The following PBX3 variants were observed in gnomAD, a reference collection of about 807,000 sequenced individuals.
PBX3 encodes the protein PBX homeobox 3, also known as pre-B-cell leukemia transcription factor 3.
PBX3 carries 14 observed loss-of-function variants against 48.5 expected under a neutral mutation model. That is an observed-to-expected ratio of 0.29 (90% CI 0.19 to 0.45). The LOEUF (loss-of-function observed/expected upper bound fraction) is 0.45, where lower values mean the gene tolerates loss of function less well. PBX3 is among the 20% of genes least tolerant of loss of function. PBX3 has a pLI of 1.00. For missense variants in PBX3, 386 were observed against 546.7 expected (o/e 0.71, Z 2.93); for synonymous variants, 210 against 200.3 (o/e 1.05, Z -0.41).
intron 2 of PBX3, among the ~76,000 whole-genome samples, chr9:125,892,928 T>A (rs1393488416): frequency 6.6e-6 from 1 of 152,196 alleles, no homozygotes; most frequent in Non-Finnish European, 1.5e-5. Context: ...TTTGCCTCGC[T>A]GTGCTCCCCT....
intron 2 of PBX3, among the ~76,000 whole-genome samples, chr9:125,754,203 A>G (rs1836450400): frequency 6.6e-6 from 1 of 152,104 alleles, no homozygotes; most frequent in Non-Finnish European, 1.5e-5. Context: ...TATTGACATT[A>G]TGAGAATAAT....
chr9:125,790,800 G>A (rs1837580179), intron 2 of PBX3, among the ~76,000 whole-genome samples: 1 of 151,902 alleles, frequency 6.6e-6, no homozygotes. Flanking sequence ...CTTCTGGCCT[G>A]GAGTGATCCT....
intron 2 of PBX3, among the ~76,000 whole-genome samples, chr9:125,790,743 T>G (rs1837577875): frequency 1.3e-5 from 2 of 151,552 alleles, no homozygotes; most frequent in Non-Finnish European, 2.9e-5. Context: ...TAATTTTTAT[T>G]TTTTGTAGAG....
intron 2 of PBX3, among the ~76,000 whole-genome samples, chr9:125,784,024 C>G (rs1216909825): frequency 7.9e-5 from 12 of 152,022 alleles, no homozygotes; most frequent in African/African-American, 2.2e-4. Context: ...AAACAAAAAC[C>G]CTTACTTTGT....
intron 3 of PBX3, among the ~76,000 whole-genome samples, chr9:125,927,615 C>T (rs1841607620): frequency 6.6e-6 from 1 of 152,164 alleles, no homozygotes; most frequent in South Asian, 2.1e-4. Context: ...TGCAGAATTT[C>T]CCATCCTGCA....
chr9:125,835,810 A>G (rs2132210676), intron 2 of PBX3, among the ~76,000 whole-genome samples: 2 of 152,320 alleles, frequency 1.3e-5, no homozygotes, highest in South Asian at 4.1e-4. Flanking sequence ...AAAAACTGAA[A>G]ATAGAACTAT....
chr9:125,935,948 C>T (rs928511975), intron 5 of PBX3, among the ~76,000 whole-genome samples: 26 of 152,248 alleles, frequency 1.7e-4, no homozygotes, highest in Admixed American at 4.6e-4. Context: ...AGATGACTGA[C>T]CTAAGCTTCT....
At position 125,800,356 on chromosome 9, in the gene PBX3, GTGGTATA is replaced by G. The variant is rs548183982; in HGVS notation, c.274+51735_274+51741del. Among the ~76,000 whole-genome samples, 778 of 152,332 alleles carry G rather than the reference GTGGTATA, an allele frequency of 5.1e-3. 3 individuals are homozygous for G. The highest frequency in any genetic ancestry group is 9.0e-3 in the Non-Finnish European group (614 of 68,024). ...ATAAATAATTATTTAGAGTACCTCAGTGGTATATATTCTACTAAGAAACTCTTGGGAG... is the reference window on the plus strand; with the variant it reads ...ATAAATAATTATTTAGAGTACCTCAGTATTCTACTAAGAAACTCTTGGGAG... On this transcript the variant is annotated intron_variant, in intron 2 of 8. Transcript: ENST00000373489.
chr9:125,797,108 A>G (rs1837806232), intron 2 of PBX3, among the ~76,000 whole-genome samples: 1 of 152,130 alleles, frequency 6.6e-6, no homozygotes, highest in Non-Finnish European at 1.5e-5. Context: ...ATAATACTAT[A>G]GTGACTAAGA....
At chr9:125,861,021 C>A (rs1011301574) in intron 2 of PBX3, among the ~76,000 whole-genome samples, 1 of 151,754 alleles carries the variant, frequency 6.6e-6, no homozygotes, top group Non-Finnish European at 1.5e-5. Context: ...GGTGGCTCAT[C>A]ATGCCTATAA....
In PBX3 at chr9:125,895,798, AAGC is replaced by A. The variant is rs1840755812; in HGVS notation, c.275-19885_275-19883del. ...TTTCATGCATACAAAATAATTTAGA[AAGC>A]AGTGTGAATCTCAGCAGGTGTTTCT... On this transcript the variant is annotated intron_variant, in intron 2 of 8. Transcript: ENST00000373489. 2.0e-5 allele frequency among the ~76,000 whole-genome samples: 3 copies of A among 152,184 alleles called. No individual in the cohort carries two copies. In the South Asian group the frequency reaches 6.2e-4, roughly 32 times the overall value.
chr9:125,963,050 C>G lies in PBX3; in HGVS notation c.1161C>G (p.Gly387=), dbSNP rs766938144. The G allele has an allele frequency of 1.2e-6, 2 of 1,610,796 alleles. No homozygotes were observed. The highest frequency in any genetic ancestry group is 1.7e-6 in the Non-Finnish European group (2 of 1,177,494). ...TLRHVINQTG[G]YSDGLGGNSL... is the part of the protein sequence containing the mutation. ...GTCATGTTATCAATCAGACGGGAGG[C>G]TACAGTGATGGCCTTGGAGGAAATT... The change falls in exon 8 of 9, where the codon GGC becomes GGG. Residue 387 remains glycine (G), a synonymous_variant. Transcript: ENST00000373489.
intron 4 of PBX3, among the ~76,000 whole-genome samples, chr9:125,930,576 C>T (rs1419929122): frequency 1.3e-5 from 2 of 152,144 alleles, no homozygotes; most frequent in Non-Finnish European, 2.9e-5. Context: ...TCTTTCTTCT[C>T]CCATGGAATC....
chr9:125,835,942 C>T (rs1274171970), intron 2 of PBX3, among the ~76,000 whole-genome samples: 6 of 152,112 alleles, frequency 3.9e-5, no homozygotes, highest in African/African-American at 9.7e-5. Context: ...ATAGAATCAG[C>T]CTTAGTGTCT....
At chr9:125,794,932 C>G (rs1035452543) in intron 2 of PBX3, among the ~76,000 whole-genome samples, 3 of 152,190 alleles carry the variant, frequency 2.0e-5, no homozygotes, top group Non-Finnish European at 2.9e-5. Context: ...TGAGCCATTA[C>G]GTTTTGAAAG....
chr9:125,803,086 A>T (rs961399134), intron 2 of PBX3, among the ~76,000 whole-genome samples: 1 of 146,526 alleles, frequency 6.8e-6, no homozygotes. Context: ...TTTTCCCACT[A>T]ATGTCTTTTT....
chr9:125,962,745 C>T (rs1842456166), intron 7 of PBX3, among the ~76,000 whole-genome samples: 1 of 152,110 alleles, frequency 6.6e-6, no homozygotes, highest in Non-Finnish European at 1.5e-5. Context: ...AGGCTTTCAC[C>T]CACAGCCACA....
At chr9:125,861,928 A>G (rs1367802713) in intron 2 of PBX3, among the ~76,000 whole-genome samples, 2 of 152,224 alleles carry the variant, frequency 1.3e-5, no homozygotes, top group Non-Finnish European at 2.9e-5. Flanking sequence ...ACTGAAAACT[A>G]TTGAATTGTA....
intron 2 of PBX3, among the ~76,000 whole-genome samples, chr9:125,826,654 T>C (rs1037320329): frequency 7.9e-5 from 12 of 152,198 alleles, no homozygotes; most frequent in African/African-American, 2.9e-4. Context: ...GTAATGTCAG[T>C]ACTAAGTATT....
Sources: gnomAD v4.1 joint callset for allele counts (sites outside exome capture counted in the v4.1 genomes callset) on GRCh38, gnomAD v4.1.1 for gene constraint, MANE v1.5 for transcripts, NCBI Gene and HGNC (gene_info 2026-07-23, HGNC 2026-07-21) for gene names.